Variants in NCOA3 observed in about 807,000 individuals in gnomAD.
The protein encoded by NCOA3 is CBP-interacting protein.
A neutral mutation model predicts 158.8 loss-of-function variants in NCOA3; 51 were observed. That is an observed-to-expected ratio of 0.32 (90% confidence interval 0.26 to 0.41). The LOEUF (loss-of-function observed/expected upper bound fraction) is 0.41. Among genes scored for constraint, NCOA3 ranks in the 10% least tolerant of loss-of-function variants. The probability of loss-of-function intolerance (pLI) is 1.00; values close to 1 mark genes in which losing one functional copy is unlikely to be tolerated. For missense variants in NCOA3, 1,510 were observed against 1,746.6 expected, an observed-to-expected ratio of 0.86 and a Z score of 2.41; for synonymous variants, 537 against 592.4, an observed-to-expected ratio of 0.91 and a Z score of 1.36.
Position 47,570,984 on chromosome 20 carries a change from ATG to A in NCOA3, c.-98-12181_-98-12180del, listed in dbSNP as rs74178747. 1.1e-3 allele frequency among the ~76,000 whole-genome samples: 129 copies of A among 120,782 alleles called. 7 individuals carry two copies. Among genetic ancestry groups the A allele is most frequent in the South Asian group, 9.0e-3 (33 of 3,678 alleles). The allele number at this position is 120,782 out of a possible 152,430, so 79.2% of individuals were successfully genotyped here. On this transcript the variant is annotated intron_variant, in intron 1 of 22. Transcript: ENST00000371998. The stretch of plus-strand genomic sequence containing the variant: ...CACACACACACAAGTATATACATAT[ATG>A]TGTGTGTGTGTGTGTGTATATACAT...
intron 1 of NCOA3, among the ~76,000 whole-genome samples, chr20:47,513,025 G>C (rs537436323): frequency 6.6e-6 from 1 of 152,050 alleles, no homozygotes; most frequent in Non-Finnish European, 1.5e-5. Flanking sequence ...AGATGTGATG[G>C]TGTGTGCCTG....
chr20:47,532,676 C>T (rs1232890510), intron 1 of NCOA3, among the ~76,000 whole-genome samples: 4 of 151,844 alleles, frequency 2.6e-5, no homozygotes, highest in African/African-American at 9.7e-5. Context: ...GTCTTTTTTG[C>T]TGCCTAGTCT....
chr20:47,506,777 T>A (rs200506170), intron 1 of NCOA3, among the ~76,000 whole-genome samples: 2,485 of 144,622 alleles, frequency 0.017, 69 homozygotes, highest in African/African-American at 0.059. Flanking sequence ...TCTTTTTTTT[T>A]AAATTTTCTG....
At chr20:47,511,411 T>G (rs1161463955) in intron 1 of NCOA3, among the ~76,000 whole-genome samples, 1 of 33,304 alleles carries the variant, frequency 3.0e-5, no homozygotes, top group Non-Finnish European at 8.2e-5. Flanking sequence ...CCATGCCTAA[T>G]TTTTTTTTTT....
At chr20:47,615,643 A>G (rs886368326) in intron 2 of NCOA3, among the ~76,000 whole-genome samples, 1 of 152,170 alleles carries the variant, frequency 6.6e-6, no homozygotes, top group African/African-American at 2.4e-5. Flanking sequence ...ACAATTTATT[A>G]TATATTCTGT....
intron 2 of NCOA3, among the ~76,000 whole-genome samples, chr20:47,593,486 C>T (rs1270003699): frequency 3.3e-5 from 5 of 151,488 alleles, no homozygotes; most frequent in African/African-American, 7.3e-5. Context: ...CGACTACAGG[C>T]GCCCGCCACC....
intron 1 of NCOA3, among the ~76,000 whole-genome samples, chr20:47,537,568 G>T (rs1373731146): frequency 1.3e-5 from 2 of 151,776 alleles, no homozygotes. Flanking sequence ...TAAAAACCAA[G>T]GGGTTTACAT....
chr20:47,601,346 G>A (rs1200823341), intron 2 of NCOA3, among the ~76,000 whole-genome samples: 17 of 152,142 alleles, frequency 1.1e-4, no homozygotes, highest in East Asian at 5.8e-4. Context: ...ACCACATCGC[G>A]GACCAAGCCT....
chr20:47,652,374 C>T lies in NCOA3; in HGVS notation c.3947-32C>T, dbSNP rs2086809962. On this transcript the variant is annotated intron_variant, in intron 20 of 22. Transcript: ENST00000371998. ...ATATTCTAAGGAGAAGGCATTTGGG[C>T]ATTTTTATTTCTTCTGTTTTATTTT... 3 of 1,563,102 alleles carry T rather than the reference C, an allele frequency of 1.9e-6. No homozygotes were observed. In the East Asian group the frequency reaches 6.8e-5, roughly 36 times the overall value.
intron 1 of NCOA3, among the ~76,000 whole-genome samples, chr20:47,545,576 C>T (rs1490177163): frequency 6.6e-6 from 1 of 151,388 alleles, no homozygotes; most frequent in African/African-American, 2.4e-5. Flanking sequence ...TCCTTCCCCT[C>T]TTCTTTTTTT....
chr20:47,524,498 AG>A (rs2084395139), intron 1 of NCOA3, among the ~76,000 whole-genome samples: 2 of 152,234 alleles, frequency 1.3e-5, no homozygotes, highest in South Asian at 4.1e-4. Context: ...GGCTCTAATG[AG>A]TGGGGGAACA....
intron 1 of NCOA3, among the ~76,000 whole-genome samples, chr20:47,569,643 A>G (rs1489327573): frequency 6.6e-6 from 1 of 150,796 alleles, no homozygotes; most frequent in Non-Finnish European, 1.5e-5. Context: ...AGATTGTGCC[A>G]CTGCACTCCA....
chr20:47,635,657 C>G lies in NCOA3; in HGVS notation c.1448C>G (p.Ser483Cys). Residue 483 changes from serine to cysteine, a missense_variant, in exon 11 of 23, where the codon TCT becomes TGT. This residue lies in a region of NCOA3 where 1,017 missense variants were observed against 1,098.3 expected (regional missense o/e 0.93). Transcript: ENST00000371998. ...LAPNQQNIMI[S>C]PRNRGSPKIA... ...CCAAACCAGCAGAATATCATGATTT[C>G]TCCTCGTAATCGTGGGAGTCCAAAG... 2 of 1,614,196 alleles carry G rather than the reference C, an allele frequency of 1.2e-6. No individual in the cohort carries two copies. The highest frequency in any genetic ancestry group is 3.3e-5 in the Admixed American group (2 of 60,024).
chr20:47,609,333 G>T lies in NCOA3; in HGVS notation c.-19-12896G>T, dbSNP rs563181015. Among the ~76,000 whole-genome samples the T allele has an allele frequency of 5.9e-5, 9 of 152,274 alleles. No homozygotes were observed. The East Asian group carries it at 1.3e-3, about 23-fold the overall frequency. On this transcript the variant is annotated intron_variant, in intron 2 of 22. Coordinates refer to ENST00000371998, the MANE Select transcript of NCOA3 (RefSeq NM_181659.3). ...ACTCTTAAGATACTTGGTGAAGTAG[G>T]TTTTGGTTTTAACCAGTTTAGGTGT... is the stretch of plus-strand genomic sequence containing the variant.
intron 1 of NCOA3, among the ~76,000 whole-genome samples, chr20:47,574,882 A>G (rs551644691): frequency 3.3e-5 from 5 of 152,356 alleles, no homozygotes; most frequent in African/African-American, 9.6e-5. Flanking sequence ...ATGTTCTTGT[A>G]CATTGTAGCA....
At position 47,639,207 on chromosome 20, in the gene NCOA3, G is replaced by A; in HGVS notation, c.2707+5G>A. 3 of 1,594,898 alleles carry A rather than the reference G, an allele frequency of 1.9e-6. No individual in the cohort carries two copies. The highest frequency in any genetic ancestry group is 2.6e-6 in the Non-Finnish European group (3 of 1,164,054). On this transcript the variant is annotated splice_donor_5th_base_variant and intron_variant, in intron 14 of 22. Coordinates refer to ENST00000371998, the MANE Select transcript of NCOA3 (RefSeq NM_181659.3). ...AAAATTATGGCTCAAGTATGGGTAC[G>A]TTATTTCTAATTAGTATGTATGATT...
rs2086579245 is a variant in NCOA3 at position 47,640,063 on chromosome 20, T to C, written c.3080+12T>C. 3 of 1,613,932 alleles carry C rather than the reference T, an allele frequency of 1.9e-6. No homozygotes were observed. The highest frequency in any genetic ancestry group is 3.3e-5 in the Admixed American group (2 of 60,000). On this transcript the variant is annotated intron_variant, in intron 16 of 22. Coordinates refer to ENST00000371998, the MANE Select transcript of NCOA3 (RefSeq NM_181659.3). The stretch of plus-strand genomic sequence containing the variant: ...GGCACTCAAAATAGGTGGGGTGTTA[T>C]TTTGTGACTCTGTAGAAAATCTCAG...
At position 47,653,596 on chromosome 20, in the gene NCOA3, A is replaced by G. The variant is rs1339188286; in HGVS notation, c.*179A>G. 13 of 712,180 alleles carry G rather than the reference A, an allele frequency of 1.8e-5. No homozygotes were observed. Among genetic ancestry groups the G allele is most frequent in the African/African-American group, 3.6e-5 (2 of 55,542 alleles). 44.1% of individuals were successfully genotyped at this position (712,180 alleles called of 1,614,324 possible). On this transcript the variant is annotated 3_prime_UTR_variant, in exon 23 of 23. Transcript: ENST00000371998. ...GGACTGGATTTTAAGCCGAAGGGCA[A>G]TATCTACGTGTTTTTCCCCCCTCCT...
Position 47,589,134 on chromosome 20 carries a change from C to T in NCOA3, c.-20+5873C>T, listed in dbSNP as rs564988156. On this transcript the variant is annotated intron_variant, in intron 2 of 22. Coordinates refer to ENST00000371998, the MANE Select transcript of NCOA3 (RefSeq NM_181659.3). ...TTTCAAACTCCTGACCTCAGGTGAT[C>T]CACCCGCCTCAGCTTCCCAAAGTGC... Among the ~76,000 whole-genome samples, 8 of 152,232 alleles carry T rather than the reference C, an allele frequency of 5.3e-5. 2 individuals are homozygous for T. Among genetic ancestry groups the T allele is most frequent in the African/African-American group, 1.9e-4 (8 of 41,532 alleles).
Sources: allele counts gnomAD v4.1 joint callset (sites outside exome capture counted in the v4.1 genomes callset), GRCh38; gene constraint gnomAD v4.1.1; regional missense constraint gnomAD v4.1.1; transcripts MANE v1.5; gene names NCBI Gene and HGNC (gene_info 2026-07-23, HGNC 2026-07-21).